Variants in HEG1 observed in about 807,000 individuals in gnomAD.
The protein encoded by HEG1 is protein HEG homolog 1.
A neutral mutation model predicts 125.6 loss-of-function variants in HEG1; 56 were observed. The observed-to-expected ratio is 0.45, with a 90% CI of 0.36 to 0.56. The LOEUF (loss-of-function observed/expected upper bound fraction) is 0.56, where lower values mean the gene tolerates loss of function less well. Ranked by LOEUF, HEG1 falls within the 20% of genes least tolerant of loss-of-function variation. The pLI, the probability that HEG1 is intolerant of heterozygous loss-of-function variation, is 0.00. For synonymous variants in HEG1, 644 were observed against 668.5 expected, an observed-to-expected ratio of 0.96 and a Z score of 0.57; for missense variants, 1,523 against 1,670.0, an observed-to-expected ratio of 0.91 and a Z score of 1.53.
chr3:125,027,200 C>A lies in HEG1; in HGVS notation c.913+5G>T. 1 of 1,581,732 alleles carries A rather than the reference C, an allele frequency of 6.3e-7. No homozygotes were observed. The highest frequency in any genetic ancestry group is 1.8e-5 in the Admixed American group (1 of 56,072). ...CGAGTGTTAAGCTGGGTATGTGGCA[C>A]TCACATGAGGAAAGGTCTAAGAGAG... On this transcript the variant is annotated splice_donor_5th_base_variant and intron_variant, in intron 3 of 16. Coordinates refer to ENST00000311127, the MANE Select transcript of HEG1 (RefSeq NM_020733.2).
chr3:125,036,944 T>C (rs1423963109), intron 1 of HEG1, among the ~76,000 whole-genome samples: 2 of 152,238 alleles, frequency 1.3e-5, no homozygotes, highest in Non-Finnish European at 2.9e-5. Flanking sequence ...AGAATTCCAT[T>C]TCTGGAAATC....
chr3:125,055,550 C>T (rs1452298568), intron 1 of HEG1, 25 bp downstream of exon 1: 7 of 1,195,596 alleles, frequency 5.9e-6, no homozygotes, highest in African/African-American at 1.6e-5. Flanking sequence ...ACTGGCCAGG[C>T]GCCAGGTTCC....
chr3:125,014,524 AG>A (rs1300287185), intron 5 of HEG1, among the ~76,000 whole-genome samples: 1 of 148,510 alleles, frequency 6.7e-6, no homozygotes, highest in Non-Finnish European at 1.5e-5. Flanking sequence ...GTGTGTGTGG[AG>A]GGCTGGGGGT....
At chr3:124,979,349 C>A (rs541826800) in intron 14 of HEG1, among the ~76,000 whole-genome samples, 1 of 152,294 alleles carries the variant, frequency 6.6e-6, no homozygotes, top group East Asian at 1.9e-4. Context: ...CATTACTGAT[C>A]AGTTAAGTCC....
At position 124,991,563 on chromosome 3, in the gene HEG1, G is replaced by C. The variant is rs1481871326; in HGVS notation, c.3653-577C>G. Among the ~76,000 whole-genome samples, 4 of 152,278 alleles carry C rather than the reference G, an allele frequency of 2.6e-5. No individual in the cohort carries two copies. In the South Asian group the frequency reaches 8.3e-4, roughly 32 times the overall value. On this transcript the variant is annotated intron_variant, in intron 12 of 16. Coordinates refer to ENST00000311127, the MANE Select transcript of HEG1 (RefSeq NM_020733.2). ...TTAAGTGAAATAAGGCAATCCAATG[G>C]CTTAGTACAGGTCTGGTACATAGTA...
chr3:124,970,496 C>T lies in HEG1; in HGVS notation c.*156G>A. Reference sequence around the variant, plus strand: ...CCTGTGGTTCCACATCCACCTGTCTCCTCCACTGTGGTCACGCCCCGCATG... The same window carrying T: ...CCTGTGGTTCCACATCCACCTGTCTTCTCCACTGTGGTCACGCCCCGCATG... On this transcript the variant is annotated 3_prime_UTR_variant, in exon 17 of 17. Transcript: ENST00000311127. 2 of 621,018 alleles carry T rather than the reference C, an allele frequency of 3.2e-6. No homozygotes were observed. The allele number at this position is 621,018 out of a possible 1,614,324, so 38.5% of individuals were successfully genotyped here.
chr3:125,038,406 C>T (rs372859579), intron 1 of HEG1, among the ~76,000 whole-genome samples: 9 of 152,178 alleles, frequency 5.9e-5, no homozygotes, highest in Admixed American at 3.3e-4. Flanking sequence ...CCCTATTGAA[C>T]TCCGGGTACC....
At chr3:125,038,149 C>A (rs1287006739) in intron 1 of HEG1, among the ~76,000 whole-genome samples, 1 of 152,204 alleles carries the variant, frequency 6.6e-6, no homozygotes, top group Non-Finnish European at 1.5e-5. Context: ...GACCACAGCC[C>A]ATACCAGAGT....
At position 124,989,626 on chromosome 3, in the gene HEG1, C is replaced by G. The variant is rs111606267; in HGVS notation, c.3733+1161G>C. On this transcript the variant is annotated intron_variant, in intron 14 of 16. Transcript: ENST00000311127. ...CAAGAACTGGATTAGGTGCAAAACA[C>G]GCCCCGCTCACAGTCCCCACCAACA... Among the ~76,000 whole-genome samples the G allele has an allele frequency of 6.6e-5, 10 of 152,188 alleles. No homozygotes were observed. The East Asian group carries it at 1.7e-3, about 26-fold the overall frequency.
At chr3:124,978,891 C>T (rs1022970817) in intron 14 of HEG1, among the ~76,000 whole-genome samples, 1 of 151,578 alleles carries the variant, frequency 6.6e-6, no homozygotes, top group African/African-American at 2.4e-5. Context: ...CACTTCCCAC[C>T]CTTTGGTGTT....
intron 14 of HEG1, among the ~76,000 whole-genome samples, chr3:124,978,580 C>T (rs113326310): frequency 1.3e-5 from 2 of 152,126 alleles, no homozygotes; most frequent in Non-Finnish European, 2.9e-5. Context: ...TTTTTAAAAA[C>T]TTAATTTGTT....
intron 14 of HEG1, among the ~76,000 whole-genome samples, chr3:124,984,551 G>C (rs907226888): frequency 2.0e-5 from 3 of 152,134 alleles, no homozygotes; most frequent in Admixed American, 6.5e-5. Flanking sequence ...CTGAGTTCAG[G>C]AGTTCGATAC....
At chr3:125,041,168 G>A (rs1322352726) in intron 1 of HEG1, among the ~76,000 whole-genome samples, 4 of 152,102 alleles carry the variant, frequency 2.6e-5, no homozygotes, top group Admixed American at 6.5e-5. Flanking sequence ...ACTGATTTCC[G>A]GCGTGTGGCA....
chr3:125,006,547 T>A (rs1254642372), intron 8 of HEG1, among the ~76,000 whole-genome samples: 2 of 152,230 alleles, frequency 1.3e-5, no homozygotes, highest in African/African-American at 2.4e-5. Context: ...ACATTTAACA[T>A]CTTACACTTA....
Position 124,966,930 on chromosome 3 carries a change from AT to A in HEG1, c.*3721del, listed in dbSNP as rs1936324457. The A allele has an allele frequency of 1.3e-5, 2 of 152,212 alleles. No homozygotes were observed. Among genetic ancestry groups the A allele is most frequent in the African/African-American group, 4.8e-5 (2 of 41,446 alleles). 9.4% of individuals were successfully genotyped at this position (152,212 alleles called of 1,614,324 possible). The stretch of plus-strand genomic sequence containing the variant: ...ACATCTGAATAGGTGTCATCCTTCA[AT>A]GGCATATTCTTGGGTAGCCATCCAG... On this transcript the variant is annotated 3_prime_UTR_variant, in exon 17 of 17. Coordinates refer to ENST00000311127, the MANE Select transcript of HEG1 (RefSeq NM_020733.2).
In HEG1 at chr3:124,980,762, G is replaced by A. The variant is rs1936634183; in HGVS notation, c.3734-2816C>T. 2.0e-5 allele frequency among the ~76,000 whole-genome samples: 3 copies of A among 151,308 alleles called. No homozygotes were observed. The South Asian group carries it at 6.3e-4, about 32-fold the overall frequency. The stretch of plus-strand genomic sequence containing the variant: ...TCAAACTCTTGGCCTCCAGTGATCC[G>A]CTCACCTCGGCCTCCCACGGTGCTG... On this transcript the variant is annotated intron_variant, in intron 14 of 16. Coordinates refer to ENST00000311127, the MANE Select transcript of HEG1 (RefSeq NM_020733.2).
At chr3:124,989,438 C>T (rs1411851278) in intron 14 of HEG1, among the ~76,000 whole-genome samples, 1 of 152,170 alleles carries the variant, frequency 6.6e-6, no homozygotes, top group African/African-American at 2.4e-5. Flanking sequence ...GGATGAGAGC[C>T]AAAGCTGTCC....
rs1323337474 is a variant in HEG1 at position 125,013,940 on chromosome 3, T to C, written c.1639A>G (p.Thr547Ala). 3.1e-6 allele frequency: 5 copies of C among 1,612,734 alleles called. No homozygotes were observed. The Admixed American group carries it at 8.3e-5, about 27-fold the overall frequency. The change falls in exon 6 of 17, where the codon ACT becomes GCT. Residue 547 changes from threonine to alanine, a missense_variant. Transcript: ENST00000311127. ...QVRGTAIEQR[T>A]SSDHTDHTYL... ...GTGTGGTCTGTGTGGTCGCTGGAAG[T>C]CCTTTGTTCAATAGCTGTGCCACGC...
chr3:125,020,845 G>T lies in HEG1; in HGVS notation c.1199C>A (p.Ser400Tyr). Residue 400 changes from serine to tyrosine, a missense_variant, in exon 4 of 17, where the codon TCC becomes TAC. Transcript: ENST00000311127. ...CGTAAGTCCAAATTCATTTTCTGTG[G>T]ATGGTTCAATGAATTCCTCATCCCC... ...NPGDEEFIEPSTENEFGLTSL... is the reference protein window; with the variant it reads ...NPGDEEFIEPYTENEFGLTSL... 4 of 1,613,876 alleles carry T rather than the reference G, an allele frequency of 2.5e-6. No homozygotes were observed. In the South Asian group the frequency reaches 3.3e-5, roughly 13 times the overall value.
Sources: gnomAD v4.1 joint callset for allele counts (sites outside exome capture counted in the v4.1 genomes callset) on GRCh38, gnomAD v4.1.1 for gene constraint, MANE v1.5 for transcripts, NCBI Gene and HGNC (gene_info 2026-07-23, HGNC 2026-07-21) for gene names.